CREBBP: variants seen among roughly 807,000 people sequenced by gnomAD.
CREBBP encodes the protein CREB-binding protein.
In CREBBP, 19 loss-of-function variants were observed where a neutral mutation model predicts 265.0. The observed-to-expected ratio is 0.07, with a 90% CI of 0.05 to 0.11. The LOEUF is 0.11. Ranked by LOEUF, CREBBP falls within the 10% of genes least tolerant of loss-of-function variation. The pLI, the probability that CREBBP is intolerant of heterozygous loss-of-function variation, is 1.00. For missense variants in CREBBP, 2,525 were observed against 3,219.0 expected (o/e 0.78, Z 5.22); for synonymous variants, 1,457 against 1,223.7 (o/e 1.19, Z -3.98).
chr16:3,827,328 C>G lies in CREBBP; in HGVS notation c.799-16549G>C, dbSNP rs371306887. Among the ~76,000 whole-genome samples, 16 of 152,150 alleles carry G rather than the reference C, an allele frequency of 1.1e-4. No individual in the cohort carries two copies. The East Asian group carries it at 1.7e-3, about 16-fold the overall frequency. Reference sequence around the variant, plus strand: ...AAAAACTCAGAACATAAAAATCAAACCTTTCCTTGCTACCATAATGTAAGA... The same window carrying G: ...AAAAACTCAGAACATAAAAATCAAAGCTTTCCTTGCTACCATAATGTAAGA... On this transcript the variant is annotated intron_variant, in intron 2 of 30. Coordinates refer to ENST00000262367, the MANE Select transcript of CREBBP (RefSeq NM_004380.3).
In CREBBP at chr16:3,860,245, G is replaced by C. The variant is rs556515569; in HGVS notation, c.86-9236C>G. On this transcript the variant is annotated intron_variant, in intron 1 of 30. Coordinates refer to ENST00000262367, the MANE Select transcript of CREBBP (RefSeq NM_004380.3). Reference sequence around the variant, plus strand: ...GATTTTTCCCTACATCCTCAGACTTGTACTATAGCCCTGACTACTCAAATG... The same window carrying C: ...GATTTTTCCCTACATCCTCAGACTTCTACTATAGCCCTGACTACTCAAATG... 2.0e-5 allele frequency among the ~76,000 whole-genome samples: 3 copies of C among 152,296 alleles called. No homozygotes were observed. The East Asian group carries it at 5.8e-4, about 29-fold the overall frequency.
chr16:3,773,379 T>A (rs1455057116), intron 13 of CREBBP, among the ~76,000 whole-genome samples: 2 of 152,158 alleles, frequency 1.3e-5, no homozygotes, highest in Non-Finnish European at 2.9e-5. Flanking sequence ...AAGAGTGAAT[T>A]CATGGGTCCT....
At chr16:3,849,440 T>TGTGTGTGTGTGTGTGTGTGTGTG (rs2054762461) in intron 2 of CREBBP, among the ~76,000 whole-genome samples, 2 of 14,890 alleles carry the variant, frequency 1.3e-4, no homozygotes, top group African/African-American at 2.1e-4. Flanking sequence ...TGTGTGTGTG[T>TGTGTGTGTGTGTGTGTGTGTGTG]GTGTGTGTGT....
At chr16:3,863,521 G>T (rs1051445022) in intron 1 of CREBBP, among the ~76,000 whole-genome samples, 1 of 152,100 alleles carries the variant, frequency 6.6e-6, no homozygotes, top group Non-Finnish European at 1.5e-5. Flanking sequence ...GAGAATTGCT[G>T]AACTCGGGAG....
chr16:3,792,212 C>A, intron 4 of CREBBP, 118 bp from the exon 5 acceptor site: 1 of 859,352 alleles, frequency 1.2e-6, no homozygotes, highest in Non-Finnish European at 1.9e-6. Flanking sequence ...AACCATAACA[C>A]AGTATAGGCA....
intron 16 of CREBBP, among the ~76,000 whole-genome samples, chr16:3,764,485 A>G (rs2052799321): frequency 6.6e-6 from 1 of 152,106 alleles, no homozygotes; most frequent in East Asian, 1.9e-4. Context: ...TACGTTGCCC[A>G]GGCTGGTCTT....
chr16:3,826,733 G>A (rs753238971), intron 2 of CREBBP, among the ~76,000 whole-genome samples: 2 of 152,176 alleles, frequency 1.3e-5, no homozygotes, highest in South Asian at 2.1e-4. Context: ...CAATCAAGAG[G>A]CGCCTAAGGA....
intron 15 of CREBBP, among the ~76,000 whole-genome samples, chr16:3,768,155 T>TTTG: frequency 8.2e-6 from 1 of 121,590 alleles, no homozygotes; most frequent in Admixed American, 8.2e-5. Context: ...TTTTTTTTTT[T>TTTG]TTTTTTTTTT....
chr16:3,763,043 T>G (rs1431560668), intron 16 of CREBBP, among the ~76,000 whole-genome samples: 1 of 151,760 alleles, frequency 6.6e-6, no homozygotes, highest in Non-Finnish European at 1.5e-5. Flanking sequence ...CAAAGTGCTG[T>G]GATTATAGGG....
Position 3,782,667 on chromosome 16 carries a change from A to G in CREBBP, c.1573+17T>C. 6.2e-7 allele frequency: 1 copy of G among 1,613,606 alleles called. No homozygotes were observed. On this transcript the variant is annotated intron_variant, in intron 6 of 30. Coordinates refer to ENST00000262367, the MANE Select transcript of CREBBP (RefSeq NM_004380.3). Reference sequence around the variant, plus strand: ...ATGTGGACAAGTAAGAACGAAGTTGAGAGTTCCTTCACCTACCCAGGGGGT... The same window carrying G: ...ATGTGGACAAGTAAGAACGAAGTTGGGAGTTCCTTCACCTACCCAGGGGGT...
At position 3,782,706 on chromosome 16, in the gene CREBBP, C is replaced by G. The variant is rs1213346701; in HGVS notation, c.1551G>C (p.Gln517His). 2.5e-6 allele frequency: 4 copies of G among 1,614,144 alleles called. No individual in the cohort carries two copies. Among genetic ancestry groups the G allele is most frequent in the South Asian group, 1.1e-5 (1 of 91,076 alleles). ...TACCCAGGGGGTTGAGAGTCCTCATCTGCTGGTGGGTTTGAGGCTGTGCTG... is the reference window on the plus strand; with the variant it reads ...TACCCAGGGGGTTGAGAGTCCTCATGTGCTGGTGGGTTTGAGGCTGTGCTG... ...QQPAQPQTHQ[Q>H]MRTLNPLGNN... is the part of the protein sequence containing the mutation. The change falls in exon 6 of 31, where the codon CAG (glutamine) becomes CAC (histidine). Residue 517 changes from glutamine (Q) to histidine (H), a missense_variant. This residue lies in a region of CREBBP where 144 missense variants were observed against 134.0 expected (regional missense o/e 1.07). Coordinates refer to ENST00000262367, the MANE Select transcript of CREBBP (RefSeq NM_004380.3).
At chr16:3,854,124 T>C (rs556715174) in intron 1 of CREBBP, among the ~76,000 whole-genome samples, 9 of 152,304 alleles carry the variant, frequency 5.9e-5, no homozygotes, top group East Asian at 1.9e-4. Flanking sequence ...CTGAGGAACG[T>C]TCCCTGGCCA....
At chr16:3,856,352 C>A (rs1470315803) in intron 1 of CREBBP, among the ~76,000 whole-genome samples, 2 of 152,054 alleles carry the variant, frequency 1.3e-5, no homozygotes, top group African/African-American at 2.4e-5. Context: ...GGTCTTGCTC[C>A]GGCACCCAGG....
chr16:3,758,869 C>T lies in CREBBP; in HGVS notation c.3354G>A (p.Gln1118=). The change falls in exon 17 of 31, where the codon CAG becomes CAA. Residue 1118 remains glutamine, a synonymous_variant. Coordinates refer to ENST00000262367, the MANE Select transcript of CREBBP (RefSeq NM_004380.3). ...ATTAACTTACTGGAATTCCGAGGAG[C>T]TGGGGATCTACAGGCTGCCGGAAAG... The part of the protein sequence containing the change: ...SLPFRQPVDP[Q]LLGIPDYFDI... The T allele has an allele frequency of 6.2e-7, 1 of 1,612,052 alleles. No homozygotes were observed. The highest frequency in any genetic ancestry group is 8.5e-7 in the Non-Finnish European group (1 of 1,179,494).
intron 2 of CREBBP, among the ~76,000 whole-genome samples, chr16:3,831,501 T>C (rs1380764331): frequency 6.6e-6 from 1 of 151,932 alleles, no homozygotes; most frequent in African/African-American, 2.4e-5. Context: ...GATACAAACT[T>C]CTACCCCAAA....
chr16:3,793,740 G>A (rs2053551902), intron 3 of CREBBP, 114 bp from the exon 4 acceptor site: 4 of 1,288,152 alleles, frequency 3.1e-6, no homozygotes, highest in Non-Finnish European at 4.3e-6. Context: ...ACCACAGAGA[G>A]AAGGCTGGTG....
intron 3 of CREBBP, among the ~76,000 whole-genome samples, chr16:3,797,330 C>A (rs974707461): frequency 6.6e-6 from 1 of 152,084 alleles, no homozygotes; most frequent in Non-Finnish European, 1.5e-5. Flanking sequence ...AAGCTAATTT[C>A]TTTACTTAAG....
At chr16:3,797,775 TA>T (rs879772844) in intron 3 of CREBBP, among the ~76,000 whole-genome samples, 246 of 144,008 alleles carry the variant, frequency 1.7e-3, no homozygotes, top group Admixed American at 2.2e-3. Flanking sequence ...CCCTTTTATT[TA>T]AAAAAAAAAA....
intron 5 of CREBBP, among the ~76,000 whole-genome samples, chr16:3,790,326 G>A (rs893424923): frequency 2.1e-5 from 3 of 145,152 alleles, no homozygotes; most frequent in African/African-American, 5.1e-5. Context: ...TCAAATTTTA[G>A]TCAATCAAAG....
Sources: allele counts gnomAD v4.1 joint callset (sites outside exome capture counted in the v4.1 genomes callset), GRCh38; gene constraint gnomAD v4.1.1; regional missense constraint gnomAD v4.1.1; transcripts MANE v1.5; gene names NCBI Gene and HGNC (gene_info 2026-07-23, HGNC 2026-07-21).